Variants in MPDZ observed in about 807,000 individuals in gnomAD.
MPDZ encodes the protein multiple PDZ domain crumbs cell polarity complex component, also known as multiple PDZ domain protein.
Under a neutral mutation model 239.1 loss-of-function variants are expected in MPDZ, and 234 were observed. That is an observed-to-expected ratio of 0.98 (90% CI 0.88 to 1.09). The LOEUF (loss-of-function observed/expected upper bound fraction) is 1.09. Ranked by LOEUF, MPDZ falls within the 50% of genes least tolerant of loss-of-function variation. MPDZ has a pLI of 0.00. For missense variants in MPDZ, 3,175 were observed against 2,510.0 expected (o/e 1.26, Z -5.66); for synonymous variants, 1,048 against 881.3 (o/e 1.19, Z -3.35).
intron 22 of MPDZ, among the ~76,000 whole-genome samples, chr9:13,168,060 A>G (rs1951303435): frequency 6.6e-6 from 1 of 152,086 alleles, no homozygotes; most frequent in African/African-American, 2.4e-5. Flanking sequence ...AAGATCCTAA[A>G]AGTGGGCCCT....
At chr9:13,278,151 T>C (rs1974664905) in intron 1 of MPDZ, among the ~76,000 whole-genome samples, 1 of 152,182 alleles carries the variant, frequency 6.6e-6, no homozygotes. Flanking sequence ...GACGAGGCAG[T>C]CTGATCACTT....
At chr9:13,113,867 A>T in intron 41 of MPDZ, 64 bp downstream of exon 41, 3 of 1,276,152 alleles carry the variant, frequency 2.4e-6, no homozygotes, top group Non-Finnish European at 3.3e-6. Flanking sequence ...GAGGTAAACA[A>T]GACAAAAAAA....
At chr9:13,176,018 T>C in intron 20 of MPDZ, 118 bp downstream of exon 20, 2 of 1,420,258 alleles carry the variant, frequency 1.4e-6, no homozygotes, top group East Asian at 2.5e-5. Context: ...ATAGGTTGCC[T>C]TCTGAAAATC....
At chr9:13,111,442 AT>A (rs1353117676) in intron 43 of MPDZ, among the ~76,000 whole-genome samples, 1 of 152,228 alleles carries the variant, frequency 6.6e-6, no homozygotes, top group Non-Finnish European at 1.5e-5. Context: ...GTATGAAACC[AT>A]AGAGATTTTG....
chr9:13,181,252 T>A lies in MPDZ; in HGVS notation c.2649+2166A>T, dbSNP rs139719439. On this transcript the variant is annotated intron_variant, in intron 19 of 46. Coordinates refer to ENST00000319217, the MANE Select transcript of MPDZ (RefSeq NM_001378778.1). ...TTAAAAATCATATACTATACGGTAT[T>A]ACTTTATAAATTAAAAAGCCTTTAA... 1.3e-3 allele frequency among the ~76,000 whole-genome samples: 203 copies of A among 152,302 alleles called. 1 individual carries two copies. Among genetic ancestry groups the A allele is most frequent in the African/African-American group, 4.8e-3 (198 of 41,570 alleles).
In MPDZ at chr9:13,206,025, C is replaced by G; in HGVS notation, c.1365G>C (p.Val455=). ...TTCCTCTCCTCATTAGTGTCAGGAG[C>G]ACAGTTTGTCCTGTATGTCGCAATA... ...VEVLRHTGQT[V]LLTLMRRGMK... Residue 455 remains valine, a synonymous_variant, in exon 11 of 47, where the codon GTG becomes GTC. Coordinates refer to ENST00000319217, the MANE Select transcript of MPDZ (RefSeq NM_001378778.1). 6.2e-7 allele frequency: 1 copy of G among 1,612,428 alleles called. No homozygotes were observed. Among genetic ancestry groups the G allele is most frequent in the Non-Finnish European group, 8.5e-7 (1 of 1,179,484 alleles).
chr9:13,275,676 C>CTTCAG (rs950805777), intron 1 of MPDZ, among the ~76,000 whole-genome samples: 27 of 152,158 alleles, frequency 1.8e-4, no homozygotes, highest in Admixed American at 1.8e-3. Flanking sequence ...GAGGTTAACT[C>CTTCAG]TCAGAAGGAA....
chr9:13,200,675 C>A (rs1025415978), intron 12 of MPDZ, among the ~76,000 whole-genome samples: 1 of 151,846 alleles, frequency 6.6e-6, no homozygotes, highest in Non-Finnish European at 1.5e-5. Context: ...GACTCATTCA[C>A]TGTTCAGAAG....
chr9:13,176,297 C>G lies in MPDZ; in HGVS notation c.2770G>C (p.Gly924Arg). 6.2e-7 allele frequency: 1 copy of G among 1,610,358 alleles called. No individual in the cohort carries two copies. The highest frequency in any genetic ancestry group is 8.5e-7 in the Non-Finnish European group (1 of 1,178,148). ...TTTATAGTAAAGCCAGAAGCAGGCC[C>G]CATACTTATGTCCACCGAAGGTGTA... ...ENTPSVDISM[G>R]PASGFTINDY... The change falls in exon 20 of 47, where the codon GGG becomes CGG. Residue 924 changes from glycine (G) to arginine (R), a missense_variant. Gly to Arg is a moderately radical substitution (Grantham distance 125). Coordinates refer to ENST00000319217, the MANE Select transcript of MPDZ (RefSeq NM_001378778.1).
chr9:13,239,800 C>T (rs1357166548), intron 3 of MPDZ, among the ~76,000 whole-genome samples: 1 of 152,078 alleles, frequency 6.6e-6, no homozygotes, highest in Non-Finnish European at 1.5e-5. Context: ...ACAATTAATT[C>T]TAAGGCTCCT....
Position 13,110,759 on chromosome 9 carries a change from AAC to A in MPDZ, c.5725-21_5725-20del. The A allele has an allele frequency of 6.3e-7, 1 of 1,591,946 alleles. No homozygotes were observed. The highest frequency in any genetic ancestry group is 8.6e-7 in the Non-Finnish European group (1 of 1,163,012). On this transcript the variant is annotated intron_variant, in intron 43 of 46. Coordinates refer to ENST00000319217, the MANE Select transcript of MPDZ (RefSeq NM_001378778.1). ...CCCCAACCTGCAAGGGAGAGAAAGAAACAGCCATCTGCTAAAGCAGCCATGGA... is the reference window on the plus strand; with the variant it reads ...CCCCAACCTGCAAGGGAGAGAAAGAAAGCCATCTGCTAAAGCAGCCATGGA...
intron 26 of MPDZ, among the ~76,000 whole-genome samples, chr9:13,145,769 G>A (rs2132738009): frequency 6.6e-6 from 1 of 152,034 alleles, no homozygotes; most frequent in East Asian, 1.9e-4. Flanking sequence ...GTATTTTCCA[G>A]GTGTATGAGA....
intron 32 of MPDZ, among the ~76,000 whole-genome samples, chr9:13,133,283 G>A (rs1473617170): frequency 1.3e-5 from 2 of 152,108 alleles, no homozygotes; most frequent in South Asian, 2.1e-4. Flanking sequence ...TTGATAGAAA[G>A]GTAAAAAGAC....
chr9:13,251,346 T>C (rs1179673200), intron 1 of MPDZ, among the ~76,000 whole-genome samples: 1 of 152,046 alleles, frequency 6.6e-6, no homozygotes, highest in Non-Finnish European at 1.5e-5. Context: ...TCTCAACTCC[T>C]TCAATCCACA....
At chr9:13,213,473 C>A (rs180998676) in intron 10 of MPDZ, among the ~76,000 whole-genome samples, 5 of 152,048 alleles carry the variant, frequency 3.3e-5, no homozygotes, top group Non-Finnish European at 5.9e-5. Context: ...AAATAACAGA[C>A]AAAGACTGCA....
chr9:13,236,249 GTATA>G (rs1172287952), intron 3 of MPDZ, among the ~76,000 whole-genome samples: 1 of 35,864 alleles, frequency 2.8e-5, no homozygotes, highest in African/African-American at 1.2e-4. Flanking sequence ...GTGTGTGTGT[GTATA>G]TATATATATA....
At chr9:13,113,712 T>C (rs189001754) in intron 41 of MPDZ, among the ~76,000 whole-genome samples, 1 of 152,338 alleles carries the variant, frequency 6.6e-6, no homozygotes, top group East Asian at 1.9e-4. Context: ...GAATCCTGAT[T>C]ATAATGTTTA....
At chr9:13,133,938 CTGAG>C (rs774447623) in intron 31 of MPDZ, 34 bp from the exon 32 acceptor site, 9 of 1,282,310 alleles carry the variant, frequency 7.0e-6, no homozygotes, top group Non-Finnish European at 9.5e-6. Flanking sequence ...AAAAGAGCAA[CTGAG>C]TGTTAGGAAA....
At chr9:13,117,280 A>G (rs917604028) in intron 39 of MPDZ, among the ~76,000 whole-genome samples, 4 of 152,100 alleles carry the variant, frequency 2.6e-5, no homozygotes, top group Non-Finnish European at 5.9e-5. Flanking sequence ...AATAGTTGTC[A>G]TGACACTTTG....
Sources: gnomAD v4.1 joint callset for allele counts (sites outside exome capture counted in the v4.1 genomes callset) on GRCh38, gnomAD v4.1.1 for gene constraint, MANE v1.5 for transcripts, NCBI Gene and HGNC (gene_info 2026-07-23, HGNC 2026-07-21) for gene names.